The following FYCO1 variants were observed in gnomAD, a reference collection of about 807,000 sequenced individuals.
The protein encoded by FYCO1 is FYVE and coiled-coil domain-containing protein 1.
A neutral mutation model predicts 165.1 loss-of-function variants in FYCO1; 122 were observed. That is an observed-to-expected ratio of 0.74 (90% CI 0.64 to 0.86). FYCO1 has a LOEUF of 0.86. Ranked by LOEUF, FYCO1 falls within the 40% of genes least tolerant of loss-of-function variation. FYCO1 has a pLI of 0.00. For synonymous variants in FYCO1, 648 were observed against 742.5 expected (o/e 0.87, Z 2.07); for missense variants, 1,702 against 1,810.3 (o/e 0.94, Z 1.09).
rs1438537148 is a variant in FYCO1, at chr3:45,921,151, C to T, written c.*614G>A. 5.9e-6 allele frequency: 1 copy of T among 170,478 alleles called. No individual in the cohort carries two copies. Among genetic ancestry groups the T allele is most frequent in the African/African-American group, 2.4e-5 (1 of 41,802 alleles). 10.6% of individuals were successfully genotyped at this position (170,478 alleles called of 1,614,324 possible). ...GAGTGCAGCTTAGAGGCCCCTCCAA[C>T]ACTGCTGAGTTCTGGAGCAGCCTCC... On this transcript the variant is annotated 3_prime_UTR_variant, in exon 18 of 18. Coordinates refer to ENST00000296137, the MANE Select transcript of FYCO1 (RefSeq NM_024513.4).
chr3:45,964,234 G>A lies in FYCO1; in HGVS notation c.3269+102C>T, dbSNP rs1345213078. The stretch of plus-strand genomic sequence containing the variant: ...GAGTTTGTGGCTTTTCTTGCAAAAG[G>A]ACTTCCTAAACCTAATATGAGTGAC... On this transcript the variant is annotated intron_variant, in intron 10 of 17. Transcript: ENST00000296137. This position sits in a 1 kb window ranked among gnomAD's most constrained non-coding sequence, Gnocchi z 4.1. 3 of 956,314 alleles carry A rather than the reference G, an allele frequency of 3.1e-6. No homozygotes were observed. Among genetic ancestry groups the A allele is most frequent in the South Asian group, 1.3e-5 (1 of 77,388 alleles). The allele number at this position is 956,314 out of a possible 1,614,324, so 59.2% of individuals were successfully genotyped here. A position where few individuals can be genotyped will look rare whatever the true frequency, so the allele number is the denominator to read the frequency against.
chr3:45,933,813 C>A (rs1368108993), intron 15 of FYCO1, among the ~76,000 whole-genome samples: 4 of 152,142 alleles, frequency 2.6e-5, no homozygotes, highest in Non-Finnish European at 4.4e-5. Flanking sequence ...ACACTGACAT[C>A]AACCAGATGC....
intron 16 of FYCO1, among the ~76,000 whole-genome samples, chr3:45,927,817 T>A (rs539010074): frequency 3.3e-5 from 5 of 152,336 alleles, no homozygotes; most frequent in African/African-American, 1.2e-4. Context: ...AGGCTTGCTG[T>A]TTGCATGGGG....
rs903717675 is a variant in FYCO1 at position 45,981,813 on chromosome 3, A to G, written c.56-137T>C. ...CTGAAACATAAAAGGGTATGTAAGT[A>G]TCCATGAGATATAACTCCAAGTCAG... On this transcript the variant is annotated intron_variant, in intron 2 of 17. Coordinates refer to ENST00000296137, the MANE Select transcript of FYCO1 (RefSeq NM_024513.4). 9 of 700,260 alleles carry G rather than the reference A, an allele frequency of 1.3e-5. No homozygotes were observed. In the African/African-American group the frequency reaches 1.4e-4, roughly 11 times the overall value. The allele number at this position is 700,260 out of a possible 1,614,324, so 43.4% of individuals were successfully genotyped here. A position where few individuals can be genotyped will look rare whatever the true frequency, so the allele number is the denominator to read the frequency against.
At chr3:45,977,979 T>C (rs1706855689) in intron 4 of FYCO1, among the ~76,000 whole-genome samples, 1 of 152,206 alleles carries the variant, frequency 6.6e-6, no homozygotes, top group Non-Finnish European at 1.5e-5. Flanking sequence ...GAGATGAAAC[T>C]GGACCCTATG....
chr3:45,955,149 A>G (rs1705237531), intron 14 of FYCO1, 100 bp downstream of exon 14: 2 of 1,394,776 alleles, frequency 1.4e-6, no homozygotes, highest in Non-Finnish European at 1.0e-6. Flanking sequence ...AGGACAGTCA[A>G]TCCTGCTTCC....
At chr3:45,968,778 A>G in intron 7 of FYCO1, 75 bp from the exon 8 acceptor site, 1 of 1,572,522 alleles carries the variant, frequency 6.4e-7, no homozygotes, top group African/African-American at 1.3e-5. Context: ...TTTAGAGTTT[A>G]ATGAGAGCAG....
chr3:45,922,202 C>T (rs769434307), intron 17 of FYCO1, among the ~76,000 whole-genome samples: 117 of 152,316 alleles, frequency 7.7e-4, no homozygotes, highest in African/African-American at 2.6e-3. Context: ...GAGGCCAGCA[C>T]GGATTTTTTC....
At position 45,955,257 on chromosome 3, in the gene FYCO1, C is replaced by T. The variant is rs367778855; in HGVS notation, c.3936G>A (p.Ala1312=). Residue 1312 remains alanine (A), a synonymous_variant, in exon 14 of 18, where the codon GCG becomes GCA. Coordinates refer to ENST00000296137, the MANE Select transcript of FYCO1 (RefSeq NM_024513.4). The part of the protein sequence containing the change: ...PTETDSLDPN[A]AEQDTTSTSL... ...GGGTGACCTCTACTCACTGTTCAGC[C>T]GCATTTGGGTCGAGAGAATCAGTTT... The T allele has an allele frequency of 4.0e-5, 65 of 1,613,804 alleles. No homozygotes were observed. Among genetic ancestry groups the T allele is most frequent in the Non-Finnish European group, 5.1e-5 (60 of 1,180,038 alleles).
chr3:45,941,821 C>A (rs1425740213), intron 14 of FYCO1, among the ~76,000 whole-genome samples: 2 of 152,320 alleles, frequency 1.3e-5, no homozygotes, highest in Non-Finnish European at 2.9e-5. Flanking sequence ...GCCCTATGGA[C>A]CTGTCTTGAA....
rs1705902528 is a variant in FYCO1, at chr3:45,964,802, A to G, written c.3150+231T>C. On this transcript the variant is annotated intron_variant, in intron 9 of 17. Transcript: ENST00000296137. The surrounding 1 kb of genome is among the most constrained non-coding windows in gnomAD (Gnocchi z 4.1). ...CAGAATCACTGGCTGGCGATCACCC[A>G]TAGAGATGGCCAAAGAGGACACTTA... Among the ~76,000 whole-genome samples, 1 of 152,188 alleles carries G rather than the reference A, an allele frequency of 6.6e-6. No individual in the cohort carries two copies. The highest frequency in any genetic ancestry group is 1.9e-4 in the East Asian group (1 of 5,202).
intron 14 of FYCO1, among the ~76,000 whole-genome samples, chr3:45,954,398 C>T (rs911077379): frequency 1.3e-5 from 2 of 152,114 alleles, no homozygotes; most frequent in Non-Finnish European, 2.9e-5. Flanking sequence ...CCCTATAGTC[C>T]AGTGGTCCCT....
At chr3:45,936,207 G>A (rs538653060) in intron 15 of FYCO1, among the ~76,000 whole-genome samples, 2 of 152,250 alleles carry the variant, frequency 1.3e-5, no homozygotes, top group East Asian at 3.9e-4. Flanking sequence ...CCTAGGGTGA[G>A]GGAACTGTTC....
Position 45,923,736 on chromosome 3 carries a change from G to C in FYCO1, c.4281C>G (p.Ser1427=), listed in dbSNP as rs1344894204. 1.9e-6 allele frequency: 3 copies of C among 1,614,026 alleles called. No homozygotes were observed. The highest frequency in any genetic ancestry group is 8.5e-7 in the Non-Finnish European group (1 of 1,179,992). The change falls in exon 17 of 18, where the codon TCC becomes TCG. Residue 1427 remains serine, a synonymous_variant. Transcript: ENST00000296137. ...GCTGGCCCTGGATGTTCTCCTTGTGGGAGTTGCATCGGGTCGTGGGAATGA... is the reference window on the plus strand; with the variant it reads ...GCTGGCCCTGGATGTTCTCCTTGTGCGAGTTGCATCGGGTCGTGGGAATGA... ...KVLIPTTRCN[S]HKENIQGQLK...
In FYCO1 at chr3:45,965,132, A is replaced by G. The variant is rs1284516558; in HGVS notation, c.3058-7T>C. On this transcript the variant is annotated splice_polypyrimidine_tract_variant and splice_region_variant and intron_variant, in intron 8 of 17. Coordinates refer to ENST00000296137, the MANE Select transcript of FYCO1 (RefSeq NM_024513.4). ...TGCACTCTTCACCAGCATTCTAGAG[A>G]GGACAAGAAAGAAAGAGGACATAAA... 1 of 1,610,898 alleles carries G rather than the reference A, an allele frequency of 6.2e-7. No individual in the cohort carries two copies. Among genetic ancestry groups the G allele is most frequent in the African/African-American group, 1.3e-5 (1 of 74,896 alleles).
Position 45,964,275 on chromosome 3 carries a change from C to T in FYCO1, c.3269+61G>A, listed in dbSNP as rs140590198. On this transcript the variant is annotated intron_variant, in intron 10 of 17. Coordinates refer to ENST00000296137, the MANE Select transcript of FYCO1 (RefSeq NM_024513.4). The surrounding 1 kb of genome is among the most constrained non-coding windows in gnomAD (Gnocchi z 4.1). ...TATGAGTGACTGACTTTCTAAATGACGAGACCAAACACTCCTTCCCTGAAG... is the reference window on the plus strand; with the variant it reads ...TATGAGTGACTGACTTTCTAAATGATGAGACCAAACACTCCTTCCCTGAAG... The T allele has an allele frequency of 0.011, 14,315 of 1,284,472 alleles. 120 individuals are homozygous for T. The highest frequency in any genetic ancestry group is 0.014 in the Non-Finnish European group (12,098 of 879,770). The allele number at this position is 1,284,472 out of a possible 1,614,324, so 79.6% of individuals were successfully genotyped here.
chr3:45,971,175 A>C (rs1706424538), intron 6 of FYCO1, among the ~76,000 whole-genome samples: 1 of 152,248 alleles, frequency 6.6e-6, no homozygotes, highest in Non-Finnish European at 1.5e-5. Flanking sequence ...GACAGAATGC[A>C]ACCTATTGAA....
intron 13 of FYCO1, among the ~76,000 whole-genome samples, chr3:45,957,189 C>T (rs1453724566): frequency 6.6e-6 from 1 of 152,188 alleles, no homozygotes; most frequent in Non-Finnish European, 1.5e-5. Flanking sequence ...GTTGAAATAA[C>T]TGGACAGCCA....
chr3:45,959,330 C>G lies in FYCO1; in HGVS notation c.3587+63G>C. 13 of 1,571,122 alleles carry G rather than the reference C, an allele frequency of 8.3e-6. No individual in the cohort carries two copies. The South Asian group carries it at 1.4e-4, about 17-fold the overall frequency. On this transcript the variant is annotated intron_variant, in intron 12 of 17. Transcript: ENST00000296137. ...CCTATCACAGAGTCCTCTTTTGGAG[C>G]TGTCTGCTCTGGTCCTGGGCCCCAC... is the stretch of plus-strand genomic sequence containing the variant.
Sources: gnomAD v4.1 joint callset for allele counts (sites outside exome capture counted in the v4.1 genomes callset) on GRCh38, gnomAD v4.1.1 for gene constraint, Gnocchi (gnomAD v3.1) non-coding constraint, MANE v1.5 for transcripts, NCBI Gene and HGNC (gene_info 2026-07-23, HGNC 2026-07-21) for gene names.